The following ELP4 variants were observed in gnomAD, a reference collection of about 807,000 sequenced individuals.
ELP4 encodes elongator acetyltransferase complex subunit 4.
Under a neutral mutation model 48.9 loss-of-function variants are expected in ELP4, and 51 were observed. The ratio of observed to expected loss-of-function variants is 1.04; its 90% CI spans 0.83 to 1.32. ELP4 has a LOEUF of 1.32. ELP4 is among the 40% of genes most tolerant of loss of function. The probability of loss-of-function intolerance (pLI) is 0.00; values close to 1 mark genes in which losing one functional copy is unlikely to be tolerated. For missense variants in ELP4, 519 were observed against 514.6 expected (o/e 1.01, Z -0.08); for synonymous variants, 210 against 189.2 (o/e 1.11, Z -0.90).
intron 5 of ELP4, among the ~76,000 whole-genome samples, chr11:31,604,333 A>C (rs754180674): frequency 6.6e-6 from 1 of 151,880 alleles, no homozygotes; most frequent in Non-Finnish European, 1.5e-5. Flanking sequence ...ACTTTTTCAG[A>C]GCGTAAACAA....
intron 7 of ELP4, among the ~76,000 whole-genome samples, chr11:31,639,866 T>C (rs944161983): frequency 2.6e-5 from 4 of 152,038 alleles, no homozygotes; most frequent in Non-Finnish European, 5.9e-5. Flanking sequence ...GTGATGTTCT[T>C]GTTCATACTG....
intron 3 of ELP4, among the ~76,000 whole-genome samples, chr11:31,543,459 A>G (rs1249351545): frequency 3.9e-5 from 6 of 152,130 alleles, no homozygotes; most frequent in Non-Finnish European, 8.8e-5. Flanking sequence ...AGCGGGGACT[A>G]CAGGCACCCA....
intron 3 of ELP4, among the ~76,000 whole-genome samples, chr11:31,553,213 T>G (rs1455917171): frequency 1.3e-5 from 2 of 152,220 alleles, no homozygotes; most frequent in African/African-American, 2.4e-5. Context: ...TTCTATTGCT[T>G]ATTACAGTGG....
chr11:31,680,616 A>G (rs566566141), intron 9 of ELP4, among the ~76,000 whole-genome samples: 1 of 152,338 alleles, frequency 6.6e-6, no homozygotes, highest in South Asian at 2.1e-4. Flanking sequence ...TTTGTTTCAT[A>G]CATATCATTT....
In ELP4 at chr11:31,645,914, A is replaced by G. The variant is rs954405807; in HGVS notation, c.928-1827A>G. 3 of 149,110 alleles carry G rather than the reference A, an allele frequency of 2.0e-5. No homozygotes were observed. In the East Asian group the frequency reaches 6.0e-4, roughly 30 times the overall value. 9.2% of individuals were successfully genotyped at this position (149,110 alleles called of 1,614,324 possible). ...CCAACATTGTTCAGTACTCAGCACA[A>G]TGAATCATTTTCAAGTTGACTCATT... On this transcript the variant is annotated intron_variant, in intron 7 of 9. Coordinates refer to ENST00000640961, the MANE Select transcript of ELP4 (RefSeq NM_019040.5).
intron 9 of ELP4, among the ~76,000 whole-genome samples, chr11:31,655,447 G>A (rs1449205882): frequency 1.3e-5 from 2 of 151,740 alleles, no homozygotes; most frequent in Non-Finnish European, 2.9e-5. Flanking sequence ...TCCGCAATTG[G>A]GCCAATTAGT....
chr11:31,672,581 C>A (rs1377326823), intron 9 of ELP4, among the ~76,000 whole-genome samples: 2 of 152,120 alleles, frequency 1.3e-5, no homozygotes, highest in East Asian at 3.9e-4. Context: ...GACTTGAGCC[C>A]AGGAATTTGA....
At chr11:31,774,921 GT>G (rs1474025673) in intron 9 of ELP4, among the ~76,000 whole-genome samples, 2 of 152,116 alleles carry the variant, frequency 1.3e-5, no homozygotes, top group Non-Finnish European at 2.9e-5. Context: ...TACTCTTCTG[GT>G]GGCCAGATGG....
intron 9 of ELP4, among the ~76,000 whole-genome samples, chr11:31,772,237 C>A (rs1290172724): frequency 1.3e-5 from 2 of 150,848 alleles, no homozygotes; most frequent in African/African-American, 4.9e-5. Flanking sequence ...CTCCAATTCT[C>A]ATGCCTCAGT....
At chr11:31,565,260 A>T (rs1446509646) in intron 3 of ELP4, among the ~76,000 whole-genome samples, 1 of 152,116 alleles carries the variant, frequency 6.6e-6, no homozygotes, top group African/African-American at 2.4e-5. Flanking sequence ...TTCTTTGTAG[A>T]TGCTAGATAT....
intron 9 of ELP4, among the ~76,000 whole-genome samples, chr11:31,732,498 A>T (rs561599885): frequency 2.0e-5 from 3 of 152,206 alleles, no homozygotes; most frequent in Admixed American, 2.0e-4. Flanking sequence ...TGAAAACAGA[A>T]AGGAAAACTG....
At chr11:31,665,472 T>C (rs763339795) in intron 9 of ELP4, among the ~76,000 whole-genome samples, 10 of 152,126 alleles carry the variant, frequency 6.6e-5, no homozygotes, top group Non-Finnish European at 1.5e-4. Context: ...ATAGGTTAGC[T>C]TCACCGTGTG....
intron 3 of ELP4, among the ~76,000 whole-genome samples, chr11:31,588,490 G>T (rs59739518): frequency 0.028 from 4,337 of 152,224 alleles, 206 homozygotes; most frequent in African/African-American, 0.099. Flanking sequence ...TTTGCTTGCC[G>T]GTATAATGGG....
chr11:31,598,033 G>T (rs564485497), intron 4 of ELP4, among the ~76,000 whole-genome samples: 310 of 125,746 alleles, frequency 2.5e-3, no homozygotes, highest in African/African-American at 8.5e-3. Context: ...TCAGCTCACC[G>T]CAACCTCCGC....
intron 7 of ELP4, chr11:31,633,284 T>C (rs1361690797): frequency 6.6e-6 from 1 of 152,016 alleles, no homozygotes; most frequent in Non-Finnish European, 1.5e-5. Context: ...GACTGAAAAG[T>C]GTGACAAATG....
chr11:31,734,566 A>G (rs1453584463), intron 9 of ELP4, among the ~76,000 whole-genome samples: 1 of 152,256 alleles, frequency 6.6e-6, no homozygotes, highest in Non-Finnish European at 1.5e-5. Context: ...GTACACTAGC[A>G]CTAAACAGTC....
At chr11:31,539,106 T>G (rs925229485) in intron 2 of ELP4, among the ~76,000 whole-genome samples, 2 of 152,236 alleles carry the variant, frequency 1.3e-5, no homozygotes, top group Non-Finnish European at 2.9e-5. Context: ...AGGGGGTAAT[T>G]TTGTGGATAT....
chr11:31,678,769 A>G (rs1328426262), intron 9 of ELP4, among the ~76,000 whole-genome samples: 2 of 152,110 alleles, frequency 1.3e-5, no homozygotes, highest in African/African-American at 4.8e-5. Flanking sequence ...TCATTGGGTA[A>G]ATATCAAGGA....
intron 9 of ELP4, among the ~76,000 whole-genome samples, chr11:31,736,365 T>C (rs1947316903): frequency 1.3e-5 from 2 of 152,078 alleles, no homozygotes; most frequent in South Asian, 2.1e-4. Context: ...CCTAAAACCA[T>C]AAAAACCCTA....
Sources: gnomAD v4.1 joint callset for allele counts (sites outside exome capture counted in the v4.1 genomes callset) on GRCh38, gnomAD v4.1.1 for gene constraint, MANE v1.5 for transcripts, NCBI Gene and HGNC (gene_info 2026-07-23, HGNC 2026-07-21) for gene names.